SLC5A8: variants seen among roughly 807,000 people sequenced by gnomAD.
The protein encoded by SLC5A8 is sodium-coupled monocarboxylate transporter 1.
SLC5A8 carries 55 observed loss-of-function variants against 71.9 expected under a neutral mutation model. That is an observed-to-expected ratio of 0.77 (90% CI 0.62 to 0.96). The LOEUF is 0.96. Among genes scored for constraint, SLC5A8 ranks in the 40% least tolerant of loss-of-function variants. The pLI is 0.00. For synonymous variants in SLC5A8, 307 were observed against 276.1 expected (o/e 1.11, Z -1.11); for missense variants, 701 against 745.3 (o/e 0.94, Z 0.69).
Position 101,202,231 on chromosome 12 carries a change from A to G in SLC5A8, c.418-16T>C, listed in dbSNP as rs202110439. The G allele has an allele frequency of 5.2e-5, 80 of 1,551,788 alleles. No individual in the cohort carries two copies. The East Asian group carries it at 2.0e-3, about 38-fold the overall frequency. The stretch of plus-strand genomic sequence containing the variant: ...TATACAGAATCTAGGGGGGAGAAAG[A>G]AAGCCAAATGAATTATATGAATTAT... On this transcript the variant is annotated splice_polypyrimidine_tract_variant and intron_variant, in intron 2 of 14. Coordinates refer to ENST00000536262, the MANE Select transcript of SLC5A8 (RefSeq NM_145913.5).
intron 1 of SLC5A8, among the ~76,000 whole-genome samples, chr12:101,206,412 A>G (rs1012039584): frequency 6.6e-6 from 1 of 152,244 alleles, no homozygotes; most frequent in Non-Finnish European, 1.5e-5. Context: ...TTTTCTAGGT[A>G]CATGAATCCA....
chr12:101,208,930 C>A lies in SLC5A8; in HGVS notation c.351+568G>T, dbSNP rs560012782. ...GTTGGGTAAGTCACCCAAGGTCACC[C>A]AGCTAGTAAGTGGTAGAATCTGGTC... On this transcript the variant is annotated intron_variant, in intron 1 of 14. Transcript: ENST00000536262. Among the ~76,000 whole-genome samples, 4 of 152,258 alleles carry A rather than the reference C, an allele frequency of 2.6e-5. No homozygotes were observed. In the South Asian group the frequency reaches 8.3e-4, roughly 32 times the overall value.
chr12:101,177,354 C>T lies in SLC5A8; in HGVS notation c.1233+2675G>A, dbSNP rs147402823. Among the ~76,000 whole-genome samples, 1,045 of 151,868 alleles carry T rather than the reference C, an allele frequency of 6.9e-3. 40 individuals carry two copies. The highest frequency in any genetic ancestry group is 0.062 in the Admixed American group (942 of 15,240). The stretch of plus-strand genomic sequence containing the variant: ...AGGAAGAATTAGCACTAATTTTAGA[C>T]AATCTCTCCTAGAAAATAGAAAACA... On this transcript the variant is annotated intron_variant, in intron 10 of 14. Transcript: ENST00000536262.
At chr12:101,194,945 T>TTA in intron 4 of SLC5A8, 150 bp downstream of exon 4, 1 of 702,118 alleles carries the variant, frequency 1.4e-6, no homozygotes, top group Non-Finnish European at 2.4e-6. Context: ...ATACTACAGA[T>TTA]TATTTCTCAC....
At chr12:101,188,822 CCA>C (rs1282991325) in intron 6 of SLC5A8, among the ~76,000 whole-genome samples, 3 of 152,124 alleles carry the variant, frequency 2.0e-5, no homozygotes, top group Non-Finnish European at 4.4e-5. Flanking sequence ...AAAATTATGC[CCA>C]GATACTCTCT....
chr12:101,208,042 C>T (rs1375698984), intron 1 of SLC5A8, among the ~76,000 whole-genome samples: 1 of 151,780 alleles, frequency 6.6e-6, no homozygotes, highest in East Asian at 1.9e-4. Flanking sequence ...CTTTTGAGTT[C>T]TCGAAAGAAG....
chr12:101,195,389 G>C (rs967477607), intron 3 of SLC5A8, among the ~76,000 whole-genome samples: 5 of 152,180 alleles, frequency 3.3e-5, no homozygotes. Flanking sequence ...TCTGACACTG[G>C]CTTAATTCAA....
intron 10 of SLC5A8, among the ~76,000 whole-genome samples, chr12:101,170,968 C>T (rs892127451): frequency 1.3e-5 from 2 of 152,106 alleles, no homozygotes; most frequent in Admixed American, 1.3e-4. Flanking sequence ...TCTTGTACAC[C>T]GTCTGATGCT....
At chr12:101,187,624 G>C in intron 6 of SLC5A8, 109 bp from the exon 7 acceptor site, 1 of 1,150,542 alleles carries the variant, frequency 8.7e-7, no homozygotes, top group Non-Finnish European at 1.2e-6. Flanking sequence ...CTCAATAAAT[G>C]TACATTATCT....
Position 101,166,677 on chromosome 12 carries a change from G to A in SLC5A8, c.1343C>T (p.Ala448Val), listed in dbSNP as rs1423186686. The change falls in exon 12 of 15, where the codon GCT becomes GTT. Residue 448 changes from alanine (A) to valine (V), a missense_variant. Physicochemically the swap from Ala to Val is moderately conservative, Grantham distance 64. Transcript: ENST00000536262. ...NSIGALVGLM[A>V]GFAISLWVGI... ...AACCCATAGAGAAATGGCAAATCCA[G>A]CCATCAGACCAACAAGTGCTCCCTG... 2.5e-6 allele frequency: 4 copies of A among 1,611,436 alleles called. No individual in the cohort carries two copies. Among genetic ancestry groups the A allele is most frequent in the Non-Finnish European group, 3.4e-6 (4 of 1,179,108 alleles).
At chr12:101,205,644 A>G (rs573549340) in intron 1 of SLC5A8, among the ~76,000 whole-genome samples, 1 of 152,292 alleles carries the variant, frequency 6.6e-6, no homozygotes, top group Non-Finnish European at 1.5e-5. Context: ...GCTAACACAT[A>G]CAGAGTACTT....
At chr12:101,197,450 T>C (rs1249944237) in intron 3 of SLC5A8, among the ~76,000 whole-genome samples, 2 of 151,898 alleles carry the variant, frequency 1.3e-5, no homozygotes, top group African/African-American at 4.8e-5. Context: ...TGAAGTGGAG[T>C]CTGAAAAAGA....
chr12:101,173,636 C>T (rs1412188968), intron 10 of SLC5A8, among the ~76,000 whole-genome samples: 3 of 152,234 alleles, frequency 2.0e-5, no homozygotes, highest in African/African-American at 7.2e-5. Context: ...ACTGTCTCAG[C>T]TGGAGTGCAT....
intron 13 of SLC5A8, among the ~76,000 whole-genome samples, chr12:101,158,572 CTCTCTCTCTCTCTCTCTCTCTCTCTCTA>C (rs1210951849): frequency 9.1e-5 from 4 of 43,954 alleles, no homozygotes; most frequent in African/African-American, 4.2e-4. Context: ...CTCTCTCTCT[CTCTCTCTCTCTCTCTCTCTCTCTCTCTA>C]TATATATATA....
chr12:101,187,548 A>G (rs1011447956), intron 6 of SLC5A8, 33 bp from the exon 7 acceptor site: 1 of 1,584,502 alleles, frequency 6.3e-7, no homozygotes, highest in Non-Finnish European at 8.6e-7. Context: ...GCAAAAGACA[A>G]CTGTAATTTC....
At chr12:101,208,408 T>G (rs1434541963) in intron 1 of SLC5A8, among the ~76,000 whole-genome samples, 1 of 152,068 alleles carries the variant, frequency 6.6e-6, no homozygotes, top group Non-Finnish European at 1.5e-5. Context: ...GTCCTCTGGG[T>G]AATGGCCTAA....
chr12:101,209,279 A>G (rs1255139371), intron 1 of SLC5A8, among the ~76,000 whole-genome samples: 1 of 152,200 alleles, frequency 6.6e-6, no homozygotes, highest in Non-Finnish European at 1.5e-5. Context: ...GTAAATCCCA[A>G]GAATTTTTTC....
intron 14 of SLC5A8, among the ~76,000 whole-genome samples, chr12:101,157,758 G>A (rs1470569120): frequency 1.3e-5 from 2 of 152,088 alleles, no homozygotes; most frequent in East Asian, 3.9e-4. Context: ...CAGATATAGA[G>A]AGAGATACAA....
chr12:101,186,080 A>ATT lies in SLC5A8; in HGVS notation c.963+1304_963+1305dup, dbSNP rs35334880. Among the ~76,000 whole-genome samples, 455 of 134,792 alleles carry ATT rather than the reference A, an allele frequency of 3.4e-3. 2 individuals are homozygous for ATT. The highest frequency in any genetic ancestry group is 0.012 in the Middle Eastern group (3 of 252). The allele number at this position is 134,792 out of a possible 152,430, so 88.4% of individuals were successfully genotyped here. A position where few individuals can be genotyped will look rare whatever the true frequency, so the allele number is the denominator to read the frequency against. The stretch of plus-strand genomic sequence containing the variant: ...GTCTCAAAGGTAGGAAGCCGTAGGG[A>ATT]TTTTTTTTTTTTTTTTTTTGGCCCA... On this transcript the variant is annotated intron_variant, in intron 7 of 14. Coordinates refer to ENST00000536262, the MANE Select transcript of SLC5A8 (RefSeq NM_145913.5).
Sources: allele counts gnomAD v4.1 joint callset (sites outside exome capture counted in the v4.1 genomes callset), GRCh38; gene constraint gnomAD v4.1.1; transcripts MANE v1.5; gene names NCBI Gene and HGNC (gene_info 2026-07-23, HGNC 2026-07-21).